STK17B: variants seen among roughly 807,000 people sequenced by gnomAD.
STK17B encodes the protein serine/threonine kinase 17b.
STK17B carries 21 observed loss-of-function variants against 42.0 expected under a neutral mutation model. That is an observed-to-expected ratio of 0.50 (90% confidence interval 0.35 to 0.72). The LOEUF is 0.72. Ranked by LOEUF, STK17B falls within the 30% of genes least tolerant of loss-of-function variation. The probability of loss-of-function intolerance (pLI) is 0.00; values close to 1 mark genes in which losing one functional copy is unlikely to be tolerated. For missense variants in STK17B, 349 were observed against 446.0 expected, an observed-to-expected ratio of 0.78 and a Z score of 1.96; for synonymous variants, 143 against 148.4, an observed-to-expected ratio of 0.96 and a Z score of 0.26.
intron 1 of STK17B, among the ~76,000 whole-genome samples, chr2:196,164,402 C>T (rs1699852133): frequency 6.6e-6 from 1 of 152,130 alleles, no homozygotes; most frequent in African/African-American, 2.4e-5. Flanking sequence ...GTATCTGAAG[C>T]TCATATATGT....
At chr2:196,145,880 T>C (rs774176821) in intron 4 of STK17B, 31 bp downstream of exon 4, 1 of 1,530,664 alleles carries the variant, frequency 6.5e-7, no homozygotes, top group Non-Finnish European at 8.7e-7. Flanking sequence ...AGAACACAGA[T>C]GTTGCATTAC....
In STK17B at chr2:196,137,479, G is replaced by A. The variant is rs774653030; in HGVS notation, c.1087C>T (p.Pro363Ser). 1.9e-6 allele frequency: 3 copies of A among 1,614,078 alleles called. No individual in the cohort carries two copies. In the South Asian group the frequency reaches 3.3e-5, roughly 18 times the overall value. ...AGCAAATCTGAAACAAGTTCATGGG[G>A]ATTGGGTAATGAGTCATCGAAACGA... Reference protein sequence around the residue: ...RFRFDDSLPNPHELVSDLLC With the variant: ...RFRFDDSLPNSHELVSDLLC The change falls in exon 8 of 8, where the codon CCC becomes TCC. Residue 363 changes from proline (P) to serine (S), a missense_variant. Physicochemically the swap from Pro to Ser is moderately conservative, Grantham distance 74 (BLOSUM62 -1). Around this residue, in one of 3 missense-constraint regions of STK17B, gnomAD observed 87 missense variants for 78.8 expected, o/e 1.10. Coordinates refer to ENST00000263955, the MANE Select transcript of STK17B (RefSeq NM_004226.4).
intron 1 of STK17B, among the ~76,000 whole-genome samples, chr2:196,164,120 T>C (rs950732426): frequency 6.6e-6 from 1 of 152,100 alleles, no homozygotes; most frequent in Non-Finnish European, 1.5e-5. Context: ...GACAAGATAA[T>C]AATTATTCAT....
intron 1 of STK17B, among the ~76,000 whole-genome samples, chr2:196,169,527 A>C (rs1397360421): frequency 6.6e-6 from 1 of 152,214 alleles, no homozygotes; most frequent in Admixed American, 6.5e-5. Context: ...TTTCATAAGG[A>C]AATTCTCCCT....
chr2:196,161,298 A>G (rs10469748), intron 2 of STK17B, among the ~76,000 whole-genome samples: 4 of 144,986 alleles, frequency 2.8e-5, no homozygotes, highest in African/African-American at 8.3e-5. Context: ...AAAGAAAAAA[A>G]GAAAAAAAAA....
chr2:196,157,968 G>A (rs370427479), intron 2 of STK17B, among the ~76,000 whole-genome samples: 1 of 152,298 alleles, frequency 6.6e-6, no homozygotes, highest in South Asian at 2.1e-4. Flanking sequence ...AGGGTTTTCA[G>A]ATCTTAAAGC....
Position 196,135,752 on chromosome 2 carries a change from TGA to T in STK17B, c.*1693_*1694del, listed in dbSNP as rs1390238954. 2 of 114,412 alleles carry T rather than the reference TGA, an allele frequency of 1.7e-5. No homozygotes were observed. The highest frequency in any genetic ancestry group is 3.5e-5 in the African/African-American group (1 of 28,770). 7.1% of individuals were successfully genotyped at this position (114,412 alleles called of 1,614,324 possible). A position where few individuals can be genotyped will look rare whatever the true frequency, so the allele number is the denominator to read the frequency against. ...GAGATCATGCCACTGCACTCCAGCCTGAGAGACAGAGCAAAACTCCATCTCAA... is the reference window on the plus strand; with the variant it reads ...GAGATCATGCCACTGCACTCCAGCCTGAGACAGAGCAAAACTCCATCTCAA... On this transcript the variant is annotated 3_prime_UTR_variant, in exon 8 of 8. Coordinates refer to ENST00000263955, the MANE Select transcript of STK17B (RefSeq NM_004226.4).
chr2:196,160,474 A>G (rs1430639954), intron 2 of STK17B, among the ~76,000 whole-genome samples: 1 of 152,226 alleles, frequency 6.6e-6, no homozygotes, highest in Non-Finnish European at 1.5e-5. Context: ...AGGAAAATGA[A>G]TTATTAAACA....
intron 1 of STK17B, among the ~76,000 whole-genome samples, chr2:196,163,864 C>T (rs1346473933): frequency 1.3e-5 from 2 of 151,902 alleles, no homozygotes; most frequent in Non-Finnish European, 2.9e-5. Context: ...ATAGCGAGAT[C>T]CCATCTCTAT....
At position 196,137,417 on chromosome 2, in the gene STK17B, T is replaced by C; in HGVS notation, c.*30A>G. On this transcript the variant is annotated 3_prime_UTR_variant, in exon 8 of 8. Transcript: ENST00000263955. Reference sequence around the variant, plus strand: ...ACTGGAGTGGATATAAAATTTCAAATTCAGTCCAAATGAGTCAAAGAAAAA... The same window carrying C: ...ACTGGAGTGGATATAAAATTTCAAACTCAGTCCAAATGAGTCAAAGAAAAA... 6.3e-7 allele frequency: 1 copy of C among 1,594,906 alleles called. No individual in the cohort carries two copies. Among genetic ancestry groups the C allele is most frequent in the East Asian group, 2.2e-5 (1 of 44,670 alleles).
At chr2:196,149,501 G>A (rs114813195) in intron 3 of STK17B, among the ~76,000 whole-genome samples, 2,683 of 152,206 alleles carry the variant, frequency 0.018, 72 homozygotes, top group African/African-American at 0.061. Flanking sequence ...AACATTAATT[G>A]CAAATCTAGC....
intron 1 of STK17B, among the ~76,000 whole-genome samples, chr2:196,164,130 T>C (rs1699848459): frequency 6.6e-6 from 1 of 152,152 alleles, no homozygotes; most frequent in Non-Finnish European, 1.5e-5. Context: ...TAATTATTCA[T>C]TTTAAACTTA....
rs1230807951 is a variant in STK17B, at chr2:196,134,609, T to C, written c.*2838A>G. 6.6e-6 allele frequency: 1 copy of C among 152,164 alleles called. No homozygotes were observed. Among genetic ancestry groups the C allele is most frequent in the Non-Finnish European group, 1.5e-5 (1 of 68,032 alleles). 9.4% of individuals were successfully genotyped at this position (152,164 alleles called of 1,614,324 possible). A position where few individuals can be genotyped will look rare whatever the true frequency, so the allele number is the denominator to read the frequency against. ...AGTTAACGGCTTACTTCCTTTAAAG[T>C]GCCATTACAATTTCACTGCTCAGAG... On this transcript the variant is annotated 3_prime_UTR_variant, in exon 8 of 8. Transcript: ENST00000263955.
At chr2:196,149,521 G>A (rs73048469) in intron 3 of STK17B, among the ~76,000 whole-genome samples, 8,489 of 152,126 alleles carry the variant, frequency 0.056, 373 homozygotes, top group African/African-American at 0.13. Flanking sequence ...CCAACATCTC[G>A]CCTTTCCAAA....
At chr2:196,147,893 G>A (rs1273719201) in intron 3 of STK17B, among the ~76,000 whole-genome samples, 1 of 151,914 alleles carries the variant, frequency 6.6e-6, no homozygotes, top group African/African-American at 2.4e-5. Flanking sequence ...CACCACGCCC[G>A]GCTAATTTTT....
rs1268634544 is a variant in STK17B, at chr2:196,135,607, G to GT, written c.*1839dup. 2 of 151,908 alleles carry GT rather than the reference G, an allele frequency of 1.3e-5. No individual in the cohort carries two copies. Among genetic ancestry groups the GT allele is most frequent in the Non-Finnish European group, 2.9e-5 (2 of 68,016 alleles). The allele number at this position is 151,908 out of a possible 1,614,324, so 9.4% of individuals were successfully genotyped here. A position where few individuals can be genotyped will look rare whatever the true frequency, so the allele number is the denominator to read the frequency against. ...AGCCTGGCCAACATGGTGAAACCCC[G>GT]TCTCTACTAAAAATACAAAAATTAG... On this transcript the variant is annotated 3_prime_UTR_variant, in exon 8 of 8. Coordinates refer to ENST00000263955, the MANE Select transcript of STK17B (RefSeq NM_004226.4).
chr2:196,156,628 T>A lies in STK17B; in HGVS notation c.146A>T (p.Gln49Leu). ...TTGGCCAGTAGATTTTGATATACAT[T>A]GTCTAACCACAGCAAATTTTCCTCT... ...LGRGKFAVVR[Q>L]CISKSTGQEY... Residue 49 changes from glutamine to leucine, a missense_variant, in exon 3 of 8, where the codon CAA (glutamine) becomes CTA (leucine). This residue lies in a region of STK17B where 256 missense variants were observed against 347.7 expected (regional missense o/e 0.74). Transcript: ENST00000263955. The A allele has an allele frequency of 6.2e-7, 1 of 1,612,400 alleles. No homozygotes were observed. The highest frequency in any genetic ancestry group is 8.5e-7 in the Non-Finnish European group (1 of 1,179,394).
chr2:196,137,489 TGA>T lies in STK17B; in HGVS notation c.1075_1076del (p.Ser359IlefsTer6), dbSNP rs758677725. 1 of 1,614,114 alleles carries T rather than the reference TGA, an allele frequency of 6.2e-7. No individual in the cohort carries two copies. The highest frequency in any genetic ancestry group is 1.1e-5 in the South Asian group (1 of 91,084). The stretch of plus-strand genomic sequence containing the variant: ...AAACAAGTTCATGGGGATTGGGTAA[TGA>T]GTCATCGAAACGAAATCTTTTGGAA... ...MVSKRFRFDD[S>X]LPNPHELVSD... On this transcript the variant is annotated frameshift_variant, in exon 8 of 8. Transcript: ENST00000263955. LOFTEE classifies it high-confidence loss of function.
At chr2:196,174,420 A>T (rs925466817), upstream of STK17B, 4 of 152,396 alleles carry the variant, frequency 2.6e-5, no homozygotes, top group Non-Finnish European at 4.4e-5. Flanking sequence ...GTAGATGCAG[A>T]AAAGGAGGGT....
Sources: gnomAD v4.1 joint callset for allele counts (sites outside exome capture counted in the v4.1 genomes callset) on GRCh38, gnomAD v4.1.1 for gene constraint, gnomAD v4.1.1 regional missense constraint, MANE v1.5 for transcripts, NCBI Gene and HGNC (gene_info 2026-07-23, HGNC 2026-07-21) for gene names.